CD163L1: variants seen among roughly 807,000 people sequenced by gnomAD.
The protein encoded by CD163L1 is scavenger receptor cysteine-rich type 1 protein M160.
In CD163L1, 124 loss-of-function variants were observed where a neutral mutation model predicts 165.4. The ratio of observed to expected loss-of-function variants is 0.75; its 90% CI spans 0.65 to 0.87. The LOEUF (loss-of-function observed/expected upper bound fraction) is 0.87, where lower values mean the gene tolerates loss of function less well. Among genes scored for constraint, CD163L1 ranks in the 40% least tolerant of loss-of-function variants. The pLI, the probability that CD163L1 is intolerant of heterozygous loss-of-function variation, is 0.00. For missense variants in CD163L1, 1,525 were observed against 1,799.9 expected, an observed-to-expected ratio of 0.85 and a Z score of 2.76; for synonymous variants, 585 against 662.2, an observed-to-expected ratio of 0.88 and a Z score of 1.79.
chr12:7,322,345 A>G, the CD163L1 span: 231 of 1,596,068 alleles, frequency 1.4e-4, no homozygotes, highest in Non-Finnish European at 1.7e-4. Flanking sequence ...TTACTGCTTG[A>G]ATGTCCTAAT....
chr12:7,338,164 G>A, the CD163L1 span, among the ~76,000 whole-genome samples: 3 of 152,034 alleles, frequency 2.0e-5, no homozygotes, highest in South Asian at 2.1e-4. Flanking sequence ...GGGGCTTGTC[G>A]GAGGAAGAAG....
chr12:7,350,101 T>A (rs1946697411), downstream of CD163L1, among the ~76,000 whole-genome samples: 1 of 152,066 alleles, frequency 6.6e-6, no homozygotes, highest in Admixed American at 6.6e-5. Flanking sequence ...ACTAGAGAGG[T>A]GTGCAGACTC....
chr12:7,375,283 G>T lies in CD163L1; in HGVS notation c.2999C>A (p.Thr1000Lys). 1 of 1,613,244 alleles carries T rather than the reference G, an allele frequency of 6.2e-7. No individual in the cohort carries two copies. ...IHGNTVSVIC[T>K]GSLTQPLFPC... ...AACCATAAGCACTATTCTCTTACCT[G>T]TGCAGATCACAGAGACAGTATTTCC... The change falls in exon 11 of 20, where the codon ACA (threonine) becomes AAA (lysine). Residue 1000 changes from threonine to lysine, a missense_variant and splice_region_variant. Physicochemically the swap from Thr to Lys is moderately conservative, Grantham distance 78. Transcript: ENST00000313599.
intron 4 of CD163L1, among the ~76,000 whole-genome samples, chr12:7,408,362 C>T (rs1245833363): frequency 1.3e-5 from 2 of 151,934 alleles, no homozygotes; most frequent in Non-Finnish European, 2.9e-5. Flanking sequence ...ACCCCATTCA[C>T]TCATTGAAAG....
chr12:7,361,039 C>T (rs1946880337), intron 18 of CD163L1, among the ~76,000 whole-genome samples: 1 of 152,058 alleles, frequency 6.6e-6, no homozygotes, highest in Admixed American at 6.6e-5. Flanking sequence ...TTCTGTCTTA[C>T]CATCTCTGGT....
intron 4 of CD163L1, among the ~76,000 whole-genome samples, chr12:7,427,621 T>C (rs976579532): frequency 4.6e-5 from 7 of 152,096 alleles, no homozygotes; most frequent in African/African-American, 1.7e-4. Flanking sequence ...AGGTTGTGTA[T>C]ATTAAATACG....
At chr12:7,319,634 C>A in the CD163L1 span, among the ~76,000 whole-genome samples, 1 of 151,664 alleles carries the variant, frequency 6.6e-6, no homozygotes, top group Non-Finnish European at 1.5e-5. Flanking sequence ...GCTTCGCTCA[C>A]CTTGCCCCGC....
intron 8 of CD163L1, among the ~76,000 whole-genome samples, chr12:7,393,269 T>C (rs771902639): frequency 1.3e-5 from 2 of 152,270 alleles, no homozygotes; most frequent in South Asian, 4.1e-4. Context: ...TGGTTCAACG[T>C]GTGCAAATCA....
At chr12:7,406,476 C>T in intron 5 of CD163L1, 56 bp downstream of exon 5, 1 of 1,553,334 alleles carries the variant, frequency 6.4e-7, no homozygotes, top group Non-Finnish European at 8.8e-7. Context: ...GGGTTTGGTC[C>T]TAGTTCTCCA....
rs191885738 is a variant in CD163L1, at chr12:7,421,874, T to G, written c.766+10542A>C. On this transcript the variant is annotated intron_variant, in intron 4 of 19. Coordinates refer to ENST00000313599, the MANE Select transcript of CD163L1 (RefSeq NM_174941.6). ...TGAAGATGCAAAGGCATAAGAATGATATAATGGAGAATAGAGCAGCAGATC... is the reference window on the plus strand; with the variant it reads ...TGAAGATGCAAAGGCATAAGAATGAGATAATGGAGAATAGAGCAGCAGATC... Among the ~76,000 whole-genome samples, 136 of 151,808 alleles carry G rather than the reference T, an allele frequency of 9.0e-4. 1 individual carries two copies. The highest frequency in any genetic ancestry group is 3.5e-3 in the South Asian group (17 of 4,816).
chr12:7,419,887 A>G (rs1948315901), intron 4 of CD163L1, among the ~76,000 whole-genome samples: 1 of 152,174 alleles, frequency 6.6e-6, no homozygotes, highest in African/African-American at 2.4e-5. Flanking sequence ...GAACCAAAAA[A>G]GAGCATGTAT....
the CD163L1 span, among the ~76,000 whole-genome samples, chr12:7,330,456 A>G: frequency 6.6e-6 from 1 of 152,344 alleles, no homozygotes; most frequent in East Asian, 1.9e-4. Context: ...ACCCAGGAAC[A>G]GTCCTTGAAA....
rs1159076179 is a variant in CD163L1 at position 7,421,502 on chromosome 12, CATAT to C, written c.766+10910_766+10913del. 4.1e-5 allele frequency among the ~76,000 whole-genome samples: 3 copies of C among 72,524 alleles called. 1 individual carries two copies. The highest frequency in any genetic ancestry group is 5.7e-4 in the East Asian group (1 of 1,742). The allele number at this position is 72,524 out of a possible 152,430, so 47.6% of individuals were successfully genotyped here. A position where few individuals can be genotyped will look rare whatever the true frequency, so the allele number is the denominator to read the frequency against. On this transcript the variant is annotated intron_variant, in intron 4 of 19. Coordinates refer to ENST00000313599, the MANE Select transcript of CD163L1 (RefSeq NM_174941.6). ...ATATGTACATATATACATATATGTA[CATAT>C]ACATATACATATATGTACATATATA...
At chr12:7,348,951 G>C (rs111920342) in intron 4 of CD163L1, among the ~76,000 whole-genome samples, 10 of 152,130 alleles carry the variant, frequency 6.6e-5, no homozygotes, top group African/African-American at 2.4e-4. Context: ...GGGAGGTCAA[G>C]CTCAAGGTTG....
At chr12:7,376,049 G>GT in intron 9 of CD163L1, 35 bp from the exon 10 acceptor site, 3 of 1,572,890 alleles carry the variant, frequency 1.9e-6, no homozygotes, top group Admixed American at 1.8e-5. Flanking sequence ...AGTTTTTAGG[G>GT]TTTTCCAATA....
chr12:7,424,190 C>T (rs1020794679), intron 4 of CD163L1, among the ~76,000 whole-genome samples: 4 of 151,922 alleles, frequency 2.6e-5, no homozygotes, highest in African/African-American at 9.7e-5. Flanking sequence ...AATCAATAAA[C>T]GTAATCCATC....
At chr12:7,421,448 T>C (rs1443535996) in intron 4 of CD163L1, among the ~76,000 whole-genome samples, 1 of 122,734 alleles carries the variant, frequency 8.1e-6, no homozygotes, top group Middle Eastern at 7.5e-3. Context: ...TACATATACA[T>C]ATATGTACAT....
chr12:7,418,159 A>T (rs990639259), intron 4 of CD163L1, among the ~76,000 whole-genome samples: 2 of 152,084 alleles, frequency 1.3e-5, no homozygotes, highest in African/African-American at 4.8e-5. Flanking sequence ...CACACATTTA[A>T]GAAAACCAAA....
intron 1 of CD163L1, among the ~76,000 whole-genome samples, chr12:7,443,290 C>T (rs1948853138): frequency 1.3e-5 from 2 of 152,190 alleles, no homozygotes; most frequent in Admixed American, 6.5e-5. Flanking sequence ...AGGAATGGCA[C>T]AGAGACACAA....
Sources: allele counts gnomAD v4.1 joint callset (sites outside exome capture counted in the v4.1 genomes callset), GRCh38; gene constraint gnomAD v4.1.1; transcripts MANE v1.5; gene names NCBI Gene and HGNC (gene_info 2026-07-23, HGNC 2026-07-21).